The following ADAM22 variants were observed in gnomAD, a reference collection of about 807,000 sequenced individuals.
The protein encoded by ADAM22 is ADAM metallopeptidase domain 22.
In ADAM22, 65 loss-of-function variants were observed where a neutral mutation model predicts 144.6. The observed-to-expected ratio is 0.45, with a 90% CI of 0.37 to 0.55. The LOEUF (loss-of-function observed/expected upper bound fraction) is 0.55. Ranked by LOEUF, ADAM22 falls within the 20% of genes least tolerant of loss-of-function variation. ADAM22 has a pLI of 0.00. For synonymous variants in ADAM22, 391 were observed against 412.6 expected (o/e 0.95, Z 0.63); for missense variants, 974 against 1,184.9 (o/e 0.82, Z 2.61).
In ADAM22 at chr7:88,053,951, C is replaced by T. The variant is rs1427991302; in HGVS notation, c.324-21675C>T. Among the ~76,000 whole-genome samples, 14 of 151,856 alleles carry T rather than the reference C, an allele frequency of 9.2e-5. No individual in the cohort carries two copies. In the East Asian group the frequency reaches 1.9e-3, roughly 21 times the overall value. ...TTCAAGATCAGCCTGGCCAACATGG[C>T]GAAACCCGATCTCTATTAAAAATAC... is the stretch of plus-strand genomic sequence containing the variant. On this transcript the variant is annotated intron_variant, in intron 3 of 31. Coordinates refer to ENST00000413139, the MANE Select transcript of ADAM22 (RefSeq NM_001324418.2).
In ADAM22 at chr7:87,998,249, T is replaced by C. The variant is rs566141779; in HGVS notation, c.323+19837T>C. ...TCTCCCGGTCCACTGACTCAAATGT[T>C]AATATCCTTTGGCAACACCCTTACA... On this transcript the variant is annotated intron_variant, in intron 3 of 31. Transcript: ENST00000413139. Among the ~76,000 whole-genome samples the C allele has an allele frequency of 4.6e-5, 7 of 152,228 alleles. No homozygotes were observed. In the East Asian group the frequency reaches 9.7e-4, roughly 21 times the overall value.
intron 4 of ADAM22, among the ~76,000 whole-genome samples, chr7:88,085,181 T>A (rs1049471214): frequency 1.3e-5 from 2 of 152,148 alleles, no homozygotes; most frequent in Non-Finnish European, 2.9e-5. Context: ...GTTTTTTTGT[T>A]TTTTCTTAAA....
chr7:87,941,522 A>G (rs1842475721), intron 2 of ADAM22, among the ~76,000 whole-genome samples: 1 of 151,958 alleles, frequency 6.6e-6, no homozygotes, highest in Admixed American at 6.6e-5. Context: ...TATACTGTGC[A>G]TTTGTTAAAG....
At chr7:88,030,276 C>G (rs1799943273) in intron 3 of ADAM22, among the ~76,000 whole-genome samples, 1 of 151,972 alleles carries the variant, frequency 6.6e-6, no homozygotes, top group South Asian at 2.1e-4. Context: ...CTGATGTATT[C>G]TTCAGTGTGT....
chr7:88,131,702 A>C (rs1831832678), intron 11 of ADAM22: 1 of 472,888 alleles, frequency 2.1e-6, no homozygotes. Context: ...TACTGCTAAT[A>C]CTCATATATA....
At position 88,027,141 on chromosome 7, in the gene ADAM22, G is replaced by T. The variant is rs144573950; in HGVS notation, c.324-48485G>T. On this transcript the variant is annotated intron_variant, in intron 3 of 31. Transcript: ENST00000413139. Reference sequence around the variant, plus strand: ...GTTGAATTTGGTTTGCTAGTATTTTGTTGAGGAATTCTGCCTCAATGTTCA... The same window carrying T: ...GTTGAATTTGGTTTGCTAGTATTTTTTTGAGGAATTCTGCCTCAATGTTCA... Among the ~76,000 whole-genome samples, 825 of 152,234 alleles carry T rather than the reference G, an allele frequency of 5.4e-3. 4 individuals are homozygous for T. Among genetic ancestry groups the T allele is most frequent in the African/African-American group, 0.019 (799 of 41,530 alleles).
intron 3 of ADAM22, among the ~76,000 whole-genome samples, chr7:88,045,474 A>G (rs193064964): frequency 3.9e-5 from 6 of 152,236 alleles, no homozygotes; most frequent in Admixed American, 3.9e-4. Context: ...GTTTTGATGT[A>G]TGTACATACT....
chr7:88,090,151 A>G (rs1289060182), intron 4 of ADAM22: 2 of 152,208 alleles, frequency 1.3e-5, no homozygotes, highest in African/African-American at 4.8e-5. Flanking sequence ...GACTACCTGT[A>G]TGTTAAAATC....
At chr7:87,970,954 A>G in intron 2 of ADAM22, among the ~76,000 whole-genome samples, 1 of 152,196 alleles carries the variant, frequency 6.6e-6, no homozygotes, top group East Asian at 1.9e-4. Flanking sequence ...CTTTTGTTTC[A>G]CAGCTTCTAT....
At chr7:88,037,208 A>AT (rs1801727933) in intron 3 of ADAM22, among the ~76,000 whole-genome samples, 1 of 152,172 alleles carries the variant, frequency 6.6e-6, no homozygotes, top group South Asian at 2.1e-4. Context: ...GGGTAGATAC[A>AT]TTTTTTATAG....
rs1216762883 is a variant in ADAM22 at position 88,039,449 on chromosome 7, C to CAAAAAAAAAA, written c.324-36170_324-36161dup. On this transcript the variant is annotated intron_variant, in intron 3 of 31. Coordinates refer to ENST00000413139, the MANE Select transcript of ADAM22 (RefSeq NM_001324418.2). The stretch of plus-strand genomic sequence containing the variant: ...AGGGCAACAGAGCGAGATTCTGTCT[C>CAAAAAAAAAA]AAAAAAAAAAAAAAAATATATATAT... 2.7e-3 allele frequency among the ~76,000 whole-genome samples: 158 copies of CAAAAAAAAAA among 58,590 alleles called. 4 individuals carry two copies. Among genetic ancestry groups the CAAAAAAAAAA allele is most frequent in the African/African-American group, 8.2e-3 (152 of 18,626 alleles). The allele number at this position is 58,590 out of a possible 152,430, so 38.4% of individuals were successfully genotyped here.
At chr7:88,075,714 G>A (rs890640514) in intron 4 of ADAM22, 22 bp downstream of exon 4, 1 of 1,588,252 alleles carries the variant, frequency 6.3e-7, no homozygotes, top group Non-Finnish European at 8.6e-7. Context: ...TTTCCTACTT[G>A]TGGGGAAATT....
chr7:88,043,719 G>A (rs986008137), intron 3 of ADAM22, among the ~76,000 whole-genome samples: 1 of 151,786 alleles, frequency 6.6e-6, no homozygotes, highest in Non-Finnish European at 1.5e-5. Flanking sequence ...AAAAAAAAGA[G>A]AAGAAAATGT....
chr7:88,106,063 G>A (rs780011621), intron 4 of ADAM22, among the ~76,000 whole-genome samples: 12 of 151,944 alleles, frequency 7.9e-5, no homozygotes, highest in Non-Finnish European at 1.6e-4. Context: ...AAGGGAAGGC[G>A]CCAATAGCTC....
intron 3 of ADAM22, among the ~76,000 whole-genome samples, chr7:87,994,913 C>T (rs1225588556): frequency 6.6e-6 from 1 of 152,020 alleles, no homozygotes; most frequent in Non-Finnish European, 1.5e-5. Context: ...CTGCAAGCTC[C>T]GCCTCCCGGG....
chr7:88,102,835 A>G (rs572152942), intron 4 of ADAM22, among the ~76,000 whole-genome samples: 132 of 152,326 alleles, frequency 8.7e-4, no homozygotes, highest in Non-Finnish European at 1.4e-3. Context: ...AGTGTACTTT[A>G]CATTGTTATC....
intron 14 of ADAM22, among the ~76,000 whole-genome samples, chr7:88,140,444 T>C (rs533277560): frequency 3.9e-5 from 6 of 152,202 alleles, no homozygotes; most frequent in Non-Finnish European, 8.8e-5. Context: ...ATTGGTCTGA[T>C]GCAGCCACAA....
At chr7:88,122,097 C>T (rs903395424) in intron 7 of ADAM22, among the ~76,000 whole-genome samples, 1 of 152,142 alleles carries the variant, frequency 6.6e-6, no homozygotes, top group South Asian at 2.1e-4. Context: ...CATCTCATCT[C>T]AAGGCTCAAC....
At chr7:88,176,901 A>G (rs1189177760) in intron 26 of ADAM22, among the ~76,000 whole-genome samples, 1 of 152,104 alleles carries the variant, frequency 6.6e-6, no homozygotes, top group Non-Finnish European at 1.5e-5. Flanking sequence ...AGTAGCTGGG[A>G]TTACAGGTGT....
Sources: allele counts gnomAD v4.1 joint callset (sites outside exome capture counted in the v4.1 genomes callset), GRCh38; gene constraint gnomAD v4.1.1; transcripts MANE v1.5; gene names NCBI Gene and HGNC (gene_info 2026-07-23, HGNC 2026-07-21).